The following OR52I2 variants were observed in gnomAD, a reference collection of about 807,000 sequenced individuals.
OR52I2 encodes olfactory receptor 52I2.
For missense variants in OR52I2, 350 were observed against 402.4 expected (o/e 0.87, Z 1.11); for synonymous variants, 147 against 151.9 (o/e 0.97, Z 0.24).
chr11:4,588,510 C>T (rs1846326681), exon 2 of OR52I2: 1 of 152,888 alleles, frequency 6.5e-6, no homozygotes, highest in African/African-American at 2.4e-5. Context: ...TCTACTGCCT[C>T]TGGTTTATCC....
chr11:4,584,377 C>T (rs1266703318), intron 1 of OR52I2, among the ~76,000 whole-genome samples: 1 of 152,184 alleles, frequency 6.6e-6, no homozygotes, highest in Non-Finnish European at 1.5e-5. Flanking sequence ...TATTCTAGTC[C>T]ATTCTTGGCA....
At chr11:4,582,956 C>T (rs1371966475) in intron 1 of OR52I2, among the ~76,000 whole-genome samples, 1 of 152,112 alleles carries the variant, frequency 6.6e-6, no homozygotes, top group Admixed American at 6.5e-5. Flanking sequence ...TGTAATTATT[C>T]ATCTAACTGA....
intron 1 of OR52I2, chr11:4,586,665 A>C (rs1047765752): frequency 1.5e-6 from 1 of 686,806 alleles, no homozygotes; most frequent in African/African-American, 1.8e-5. Context: ...GTAAGCCATG[A>C]GCTGATCCAT....
At chr11:4,582,957 A>C (rs1262079055) in intron 1 of OR52I2, among the ~76,000 whole-genome samples, 1 of 152,130 alleles carries the variant, frequency 6.6e-6, no homozygotes, top group Non-Finnish European at 1.5e-5. Flanking sequence ...GTAATTATTC[A>C]TCTAACTGAA....
At chr11:4,587,871 A>G (rs777157051) in exon 2 of OR52I2, 32 of 1,607,396 alleles carry the variant, frequency 2.0e-5, no homozygotes, top group East Asian at 2.2e-5. Flanking sequence ...CATGAACACA[A>G]TATCTGTTCA....
exon 2 of OR52I2, chr11:4,591,963 C>A (rs1846353308): frequency 6.6e-6 from 1 of 152,194 alleles, no homozygotes; most frequent in East Asian, 1.9e-4. Flanking sequence ...TTGTTGTGCA[C>A]AGCCACTGGG....
exon 2 of OR52I2, chr11:4,587,510 C>A (rs771758803): frequency 6.2e-7 from 1 of 1,614,190 alleles, no homozygotes; most frequent in Non-Finnish European, 8.5e-7. Flanking sequence ...CTGATTGGTT[C>A]CTCTCTTATG....
intron 1 of OR52I2, among the ~76,000 whole-genome samples, chr11:4,583,141 G>C (rs1324314196): frequency 6.6e-6 from 1 of 152,046 alleles, no homozygotes; most frequent in Non-Finnish European, 1.5e-5. Context: ...ATTTTCAGTA[G>C]CAATACATTG....
chr11:4,587,929 T>C (rs1846321361), exon 2 of OR52I2: 2 of 1,294,444 alleles, frequency 1.5e-6, no homozygotes, highest in South Asian at 1.3e-5. Context: ...GAGCTTAGTT[T>C]ACCTGGTGCT....
At chr11:4,590,595 A>G (rs1049382852) in exon 2 of OR52I2, 4 of 152,200 alleles carry the variant, frequency 2.6e-5, no homozygotes, top group African/African-American at 9.7e-5. Context: ...CTCTTGAAGA[A>G]AGGTGAATTT....
intron 1 of OR52I2, among the ~76,000 whole-genome samples, chr11:4,584,549 T>C (rs998795086): frequency 3.3e-5 from 5 of 152,188 alleles, no homozygotes; most frequent in Admixed American, 6.5e-5. Flanking sequence ...TGGCAAGAGT[T>C]GTTATATGAC....
exon 2 of OR52I2, chr11:4,590,888 A>G (rs1345987719): frequency 6.6e-6 from 1 of 152,208 alleles, no homozygotes; most frequent in Non-Finnish European, 1.5e-5. Flanking sequence ...TATGATGTGG[A>G]TATCACTAAT....
chr11:4,582,440 T>A (rs1251265531), intron 1 of OR52I2, among the ~76,000 whole-genome samples: 1 of 67,030 alleles, frequency 1.5e-5, no homozygotes, highest in Admixed American at 1.5e-4. Context: ...TTTCATTTTT[T>A]TTTTTTTTTT....
At chr11:4,589,220 AG>A (rs1290635267) in exon 2 of OR52I2, 1 of 152,304 alleles carries the variant, frequency 6.6e-6, no homozygotes. Flanking sequence ...TCCAGGGACA[AG>A]GCAGGATGAT....
chr11:4,587,073 G>A (rs1846307909), exon 2 of OR52I2: 1 of 1,614,150 alleles, frequency 6.2e-7, no homozygotes, highest in Non-Finnish European at 8.5e-7. Context: ...CTCGGCATGA[G>A]CCCATGTATT....
At chr11:4,583,201 G>T (rs1027397607) in intron 1 of OR52I2, among the ~76,000 whole-genome samples, 2 of 151,958 alleles carry the variant, frequency 1.3e-5, no homozygotes, top group African/African-American at 4.8e-5. Context: ...CAAATATCCT[G>T]TTCTTTGAAA....
chr11:4,592,241 T>TCTGTGAAG (rs1846355947), exon 2 of OR52I2: 1 of 152,178 alleles, frequency 6.6e-6, no homozygotes, highest in African/African-American at 2.4e-5. Flanking sequence ...TCAAAATATC[T>TCTGTGAAG]CTGTGAAGTA....
At chr11:4,587,639 G>A in exon 2 of OR52I2, 1 of 1,614,128 alleles carries the variant, frequency 6.2e-7, no homozygotes, top group Admixed American at 1.7e-5. Flanking sequence ...TCCCATGTGG[G>A]GGTTATGGCT....
At position 4,582,433 on chromosome 11, in the gene OR52I2, C is replaced by CTTT. The variant is rs1564859030; in HGVS notation, c.-20+569_-20+570insTTT. ...TTTATTTTTATATTTATTTATTTTT[C>CTTT]ATTTTTTTTTTTTTTTTTTTTTTGA... On this transcript the variant is annotated intron_variant, in intron 1 of 1. Transcript: ENST00000641896. Among the ~76,000 whole-genome samples the CTTT allele has an allele frequency of 3.1e-3, 231 of 74,630 alleles. 1 individual carries two copies. Among genetic ancestry groups the CTTT allele is most frequent in the Non-Finnish European group, 4.5e-3 (171 of 37,880 alleles). 49.0% of individuals were successfully genotyped at this position (74,630 alleles called of 152,430 possible). A position where few individuals can be genotyped will look rare whatever the true frequency, so the allele number is the denominator to read the frequency against.
Sources: gnomAD v4.1 joint callset for allele counts (sites outside exome capture counted in the v4.1 genomes callset) on GRCh38, gnomAD v4.1.1 for gene constraint, MANE v1.5 for transcripts, NCBI Gene and HGNC (gene_info 2026-07-23, HGNC 2026-07-21) for gene names.